The following LRMDA variants were observed in gnomAD, a reference collection of about 807,000 sequenced individuals.
LRMDA encodes the protein leucine rich melanocyte differentiation associated, also known as leucine-rich melanocyte differentiation-associated protein.
In LRMDA, 18 loss-of-function variants were observed where a neutral mutation model predicts 29.8. The observed-to-expected ratio is 0.60, with a 90% confidence interval of 0.42 to 0.90. The LOEUF (loss-of-function observed/expected upper bound fraction) is 0.90. Ranked by LOEUF, LRMDA falls within the 40% of genes least tolerant of loss-of-function variation. The pLI is 0.00. For missense variants in LRMDA, 273 were observed against 273.9 expected, an observed-to-expected ratio of 1.00 and a Z score of 0.02; for synonymous variants, 125 against 109.4, an observed-to-expected ratio of 1.14 and a Z score of -0.89.
At chr10:75,544,463 A>G (rs1395509398) in intron 2 of LRMDA, among the ~76,000 whole-genome samples, 1 of 152,188 alleles carries the variant, frequency 6.6e-6, no homozygotes, top group Non-Finnish European at 1.5e-5. Flanking sequence ...TCTACTGGAA[A>G]AAACCTTCAG....
At chr10:76,186,744 A>C (rs1564678867) in intron 5 of LRMDA, among the ~76,000 whole-genome samples, 1 of 152,202 alleles carries the variant, frequency 6.6e-6, no homozygotes, top group Non-Finnish European at 1.5e-5. Flanking sequence ...GCAGTAAAAA[A>C]GATAGACTCA....
chr10:75,766,652 G>C (rs2132231763), intron 2 of LRMDA, among the ~76,000 whole-genome samples: 1 of 151,726 alleles, frequency 6.6e-6, no homozygotes, highest in Middle Eastern at 3.4e-3. Context: ...TTTACTTTAA[G>C]TTCTGGGATA....
chr10:76,380,175 T>C (rs919619358), intron 6 of LRMDA, among the ~76,000 whole-genome samples: 1 of 152,218 alleles, frequency 6.6e-6, no homozygotes, highest in East Asian at 1.9e-4. Context: ...GAAGAATGTA[T>C]ATTCTGTGGT....
intron 2 of LRMDA, among the ~76,000 whole-genome samples, chr10:75,725,168 C>T (rs1368715283): frequency 6.6e-6 from 1 of 152,176 alleles, no homozygotes; most frequent in East Asian, 1.9e-4. Context: ...TATATTTTCA[C>T]CCAGATTTTT....
intron 6 of LRMDA, among the ~76,000 whole-genome samples, chr10:76,430,800 G>T (rs1313089568): frequency 1.3e-5 from 2 of 152,088 alleles, no homozygotes; most frequent in Non-Finnish European, 2.9e-5. Context: ...TTTCAGATAG[G>T]GTCAGTGAGT....
chr10:76,300,273 T>C (rs983820409), intron 5 of LRMDA, among the ~76,000 whole-genome samples: 1 of 152,204 alleles, frequency 6.6e-6, no homozygotes, highest in African/African-American at 2.4e-5. Flanking sequence ...AGAACTTTGT[T>C]TTATTTGAAA....
At chr10:76,445,956 G>T (rs1842350295) in intron 6 of LRMDA, among the ~76,000 whole-genome samples, 1 of 152,090 alleles carries the variant, frequency 6.6e-6, no homozygotes, top group African/African-American at 2.4e-5. Flanking sequence ...AAAATATTTA[G>T]AAATAACTGA....
chr10:75,754,228 G>C (rs1175171051), intron 2 of LRMDA, among the ~76,000 whole-genome samples: 1 of 152,156 alleles, frequency 6.6e-6, no homozygotes, highest in East Asian at 1.9e-4. Flanking sequence ...CTGTGAAGAG[G>C]TGGTTTTATA....
intron 5 of LRMDA, among the ~76,000 whole-genome samples, chr10:76,076,190 A>G (rs552368061): frequency 2.0e-4 from 30 of 151,914 alleles, no homozygotes; most frequent in African/African-American, 7.2e-4. Flanking sequence ...AAAAATACAT[A>G]AAATTAGCTG....
At chr10:76,161,279 C>T (rs1850642916) in intron 5 of LRMDA, among the ~76,000 whole-genome samples, 1 of 152,194 alleles carries the variant, frequency 6.6e-6, no homozygotes, top group South Asian at 2.1e-4. Flanking sequence ...CAGCCAAAAT[C>T]ATGGTTCCTA....
intron 5 of LRMDA, among the ~76,000 whole-genome samples, chr10:76,181,192 A>G (rs1259366126): frequency 1.3e-5 from 2 of 152,156 alleles, no homozygotes; most frequent in Non-Finnish European, 2.9e-5. Context: ...CATTTCTTCT[A>G]TATACATTTC....
At chr10:76,420,366 G>T (rs1253369179) in intron 6 of LRMDA, among the ~76,000 whole-genome samples, 1 of 151,218 alleles carries the variant, frequency 6.6e-6, no homozygotes, top group Non-Finnish European at 1.5e-5. Context: ...TATTTTTCAG[G>T]TACTATATTG....
intron 2 of LRMDA, among the ~76,000 whole-genome samples, chr10:76,033,864 C>A (rs1442966170): frequency 1.3e-5 from 2 of 152,106 alleles, no homozygotes; most frequent in Non-Finnish European, 2.9e-5. Flanking sequence ...CTGCACAAGC[C>A]TGACTTGCTG....
intron 2 of LRMDA, among the ~76,000 whole-genome samples, chr10:75,839,151 G>A (rs1844491786): frequency 6.6e-6 from 1 of 152,222 alleles, no homozygotes; most frequent in Non-Finnish European, 1.5e-5. Context: ...ACAGGCCAGT[G>A]GAGGCTTCAT....
chr10:76,391,871 T>G (rs549898598), intron 6 of LRMDA, among the ~76,000 whole-genome samples: 6 of 152,194 alleles, frequency 3.9e-5, no homozygotes, highest in Admixed American at 6.5e-5. Flanking sequence ...CTGTTCTTAG[T>G]CTACTTTGAA....
chr10:76,247,913 C>A (rs902665396), intron 5 of LRMDA, among the ~76,000 whole-genome samples: 1 of 152,176 alleles, frequency 6.6e-6, no homozygotes, highest in Non-Finnish European at 1.5e-5. Flanking sequence ...CCTGGACCAA[C>A]AGTGAAGGTA....
At chr10:76,136,650 C>G (rs1400836202) in intron 5 of LRMDA, among the ~76,000 whole-genome samples, 1 of 151,696 alleles carries the variant, frequency 6.6e-6, no homozygotes, top group Non-Finnish European at 1.5e-5. Context: ...TTGATAAAAA[C>G]TTGTCCAAAA....
Position 75,692,564 on chromosome 10 carries a change from C to CGTGT in LRMDA, c.131+254109_131+254112dup, listed in dbSNP as rs10553888. On this transcript the variant is annotated intron_variant, in intron 2 of 6. Transcript: ENST00000611255. ...ATATATACACATATACATATGTATA[C>CGTGT]GTGTGTGTGTGTGTGTGTGTGTGTG... Among the ~76,000 whole-genome samples, 175 of 140,202 alleles carry CGTGT rather than the reference C, an allele frequency of 1.2e-3. 2 individuals carry two copies. The highest frequency in any genetic ancestry group is 5.6e-3 in the South Asian group (24 of 4,256). The allele number at this position is 140,202 out of a possible 152,430, so 92.0% of individuals were successfully genotyped here. A position where few individuals can be genotyped will look rare whatever the true frequency, so the allele number is the denominator to read the frequency against.
chr10:75,924,166 CTCCT>C (rs1410884625), intron 2 of LRMDA, among the ~76,000 whole-genome samples: 1 of 152,190 alleles, frequency 6.6e-6, no homozygotes, highest in Non-Finnish European at 1.5e-5. Context: ...TCAGACTGCA[CTCCT>C]TCCTTTCTTT....
Sources: gnomAD v4.1 joint callset for allele counts (sites outside exome capture counted in the v4.1 genomes callset) on GRCh38, gnomAD v4.1.1 for gene constraint, MANE v1.5 for transcripts, NCBI Gene and HGNC (gene_info 2026-07-23, HGNC 2026-07-21) for gene names.